Variants in LSAMP observed in about 807,000 individuals in gnomAD.
The protein encoded by LSAMP is limbic system associated membrane protein.
LSAMP carries 7 observed loss-of-function variants against 38.6 expected under a neutral mutation model. The observed-to-expected ratio is 0.18, with a 90% CI of 0.10 to 0.34. The LOEUF (loss-of-function observed/expected upper bound fraction) is 0.34, where lower values mean the gene tolerates loss of function less well. Among genes scored for constraint, LSAMP ranks in the 10% least tolerant of loss-of-function variants. LSAMP has a pLI of 1.00. For missense variants in LSAMP, 313 were observed against 420.0 expected (o/e 0.75, Z 2.23); for synonymous variants, 154 against 166.8 (o/e 0.92, Z 0.59).
At chr3:116,234,088 G>A (rs1321271981) in intron 1 of LSAMP, among the ~76,000 whole-genome samples, 2 of 152,180 alleles carry the variant, frequency 1.3e-5, no homozygotes, top group East Asian at 3.9e-4. Flanking sequence ...CAAATACAGT[G>A]ATATCAAGGA....
chr3:115,819,336 G>A (rs1934150642), intron 6 of LSAMP, among the ~76,000 whole-genome samples: 1 of 151,966 alleles, frequency 6.6e-6, no homozygotes, highest in African/African-American at 2.4e-5. Flanking sequence ...TTGGGAGGCG[G>A]AGGCAGGAGA....
chr3:115,815,442 T>C (rs1933987427), intron 6 of LSAMP, among the ~76,000 whole-genome samples: 1 of 152,174 alleles, frequency 6.6e-6, no homozygotes, highest in South Asian at 2.1e-4. Context: ...TCTTCCTACA[T>C]TTTCTTTAGC....
chr3:115,871,907 C>G (rs368400399), intron 3 of LSAMP, among the ~76,000 whole-genome samples: 2 of 152,240 alleles, frequency 1.3e-5, no homozygotes, highest in South Asian at 4.1e-4. Flanking sequence ...TTCCTACACT[C>G]TGTAGCAGAG....
intron 1 of LSAMP, among the ~76,000 whole-genome samples, chr3:116,190,782 G>A (rs1281506481): frequency 2.6e-5 from 4 of 152,140 alleles, no homozygotes; most frequent in Non-Finnish European, 5.9e-5. Context: ...GATGCCTTCT[G>A]AGGCCTTGGT....
chr3:116,101,633 G>T (rs1222845491), intron 1 of LSAMP, among the ~76,000 whole-genome samples: 6 of 152,068 alleles, frequency 3.9e-5, no homozygotes, highest in African/African-American at 1.4e-4. Flanking sequence ...GGTACAGAAT[G>T]CATTAGAACT....
In LSAMP at chr3:115,824,559, G is replaced by A. The variant is rs372340583; in HGVS notation, c.920-14145C>T. Among the ~76,000 whole-genome samples, 50 of 152,008 alleles carry A rather than the reference G, an allele frequency of 3.3e-4. 2 individuals carry two copies. The South Asian group carries it at 9.1e-3, about 28-fold the overall frequency. ...CTACTAAAGATACAAAAAATTAGCC[G>A]GGTGTGGTGGCATGCACCTGTAATC... is the stretch of plus-strand genomic sequence containing the variant. On this transcript the variant is annotated intron_variant, in intron 6 of 6. Coordinates refer to ENST00000490035, the MANE Select transcript of LSAMP (RefSeq NM_002338.5).
chr3:115,923,314 T>G (rs77800168), intron 3 of LSAMP, among the ~76,000 whole-genome samples: 2,083 of 152,328 alleles, frequency 0.014, 48 homozygotes, highest in African/African-American at 0.047. Context: ...CTGGGGGTTC[T>G]GAGTTGTGTT....
At chr3:115,969,137 CAGGTACTGTG>C (rs1281142721) in intron 3 of LSAMP, among the ~76,000 whole-genome samples, 1 of 152,088 alleles carries the variant, frequency 6.6e-6, no homozygotes, top group Non-Finnish European at 1.5e-5. Flanking sequence ...AGGATAAAAC[CAGGTACTGTG>C]ATTGCTCATC....
chr3:116,300,273 GC>G (rs1387583679), intron 1 of LSAMP, among the ~76,000 whole-genome samples: 1 of 152,228 alleles, frequency 6.6e-6, no homozygotes, highest in Non-Finnish European at 1.5e-5. Context: ...CCTTGCTTAG[GC>G]AAAGTCATAA....
intron 3 of LSAMP, among the ~76,000 whole-genome samples, chr3:115,999,308 T>C (rs1244590153): frequency 6.6e-6 from 1 of 152,206 alleles, no homozygotes; most frequent in Non-Finnish European, 1.5e-5. Context: ...AGTGTTCCCC[T>C]TGTCTTTATC....
intron 3 of LSAMP, among the ~76,000 whole-genome samples, chr3:115,960,004 G>A (rs1412639362): frequency 2.0e-5 from 3 of 152,064 alleles, no homozygotes; most frequent in Non-Finnish European, 4.4e-5. Flanking sequence ...TGGGGTCTAC[G>A]CCATGCTGAC....
chr3:116,351,489 G>T (rs1251286019), intron 1 of LSAMP, among the ~76,000 whole-genome samples: 1 of 152,028 alleles, frequency 6.6e-6, no homozygotes, highest in African/African-American at 2.4e-5. Flanking sequence ...TCCAGAGTCA[G>T]CAGCATATTC....
At chr3:115,866,874 T>C (rs1321024387) in intron 3 of LSAMP, among the ~76,000 whole-genome samples, 2 of 152,052 alleles carry the variant, frequency 1.3e-5, no homozygotes, top group African/African-American at 2.4e-5. Context: ...TGCAAGTGGT[T>C]ATACCTTTTA....
intron 3 of LSAMP, among the ~76,000 whole-genome samples, chr3:115,854,472 C>T (rs184277336): frequency 1.3e-5 from 2 of 151,562 alleles, no homozygotes; most frequent in East Asian, 1.9e-4. Flanking sequence ...TTAGTAGAGA[C>T]GGGGTTTCAC....
chr3:116,203,031 A>G (rs1415403510), intron 1 of LSAMP, among the ~76,000 whole-genome samples: 1 of 152,176 alleles, frequency 6.6e-6, no homozygotes, highest in Non-Finnish European at 1.5e-5. Context: ...AGGTTCTAAG[A>G]GTGTTTAAAT....
intron 6 of LSAMP, among the ~76,000 whole-genome samples, chr3:115,815,372 G>A (rs957647961): frequency 1.3e-5 from 2 of 152,092 alleles, no homozygotes; most frequent in Non-Finnish European, 2.9e-5. Flanking sequence ...AGGATAAGTG[G>A]GAACTACTAC....
intron 1 of LSAMP, among the ~76,000 whole-genome samples, chr3:116,417,743 C>A (rs1454651424): frequency 6.6e-6 from 1 of 152,088 alleles, no homozygotes; most frequent in African/African-American, 2.4e-5. Context: ...CTTTTTGTTT[C>A]ACCTGTCAGT....
At chr3:116,082,011 G>A (rs536071232) in intron 2 of LSAMP, among the ~76,000 whole-genome samples, 3 of 152,248 alleles carry the variant, frequency 2.0e-5, no homozygotes, top group African/African-American at 7.2e-5. Context: ...TTGAAAATAT[G>A]ATAAAAGATG....
intron 1 of LSAMP, among the ~76,000 whole-genome samples, chr3:116,105,200 C>T (rs1223352802): frequency 1.3e-5 from 2 of 151,308 alleles, no homozygotes; most frequent in Non-Finnish European, 2.9e-5. Context: ...ACTGCCACAG[C>T]TGGTGATATA....
Sources: gnomAD v4.1 joint callset for allele counts (sites outside exome capture counted in the v4.1 genomes callset) on GRCh38, gnomAD v4.1.1 for gene constraint, MANE v1.5 for transcripts, NCBI Gene and HGNC (gene_info 2026-07-23, HGNC 2026-07-21) for gene names.